PPP1R36: variants seen among roughly 807,000 people sequenced by gnomAD.
PPP1R36 encodes the protein protein phosphatase 1 regulatory subunit 36.
In PPP1R36, 47 loss-of-function variants were observed where a neutral mutation model predicts 53.4. The observed-to-expected ratio is 0.88, with a 90% CI of 0.70 to 1.12. PPP1R36 has a LOEUF of 1.12. PPP1R36 is among the 50% of genes most tolerant of loss of function. The probability of loss-of-function intolerance (pLI) is 0.00; values close to 1 mark genes in which losing one functional copy is unlikely to be tolerated. For missense variants in PPP1R36, 456 were observed against 513.9 expected (o/e 0.89, Z 1.09); for synonymous variants, 153 against 170.5 (o/e 0.90, Z 0.80).
chr14:64,573,076 C>G (rs973893630), intron 7 of PPP1R36, among the ~76,000 whole-genome samples: 1 of 152,126 alleles, frequency 6.6e-6, no homozygotes, highest in Non-Finnish European at 1.5e-5. Flanking sequence ...AGTCATTTGT[C>G]CCTGTTTAGA....
intron 11 of PPP1R36, 126 bp downstream of exon 11, chr14:64,588,421 C>G (rs1404002543): frequency 8.9e-6 from 7 of 782,876 alleles, no homozygotes; most frequent in Non-Finnish European, 1.4e-5. Context: ...CCCCCATTTT[C>G]TTACTTCTGC....
At position 64,588,104 on chromosome 14, in the gene PPP1R36, G is replaced by C. The variant is rs201989939; in HGVS notation, c.891G>C (p.Arg297Ser). ...TAAATGTCACCTTCCTCCCCGACAG[G>C]AGAATGATGGCAAAACGCCCAGCAA... ...EKKRMTFVQF[R>S]RMMAKRPAIK... The change falls in exon 11 of 12, where the codon AGG (arginine) becomes AGC (serine). Residue 297 changes from arginine to serine, a missense_variant and splice_region_variant. By Grantham distance (110) the Arg-to-Ser change is moderately radical. Coordinates refer to ENST00000298705, the MANE Select transcript of PPP1R36 (RefSeq NM_172365.3). The C allele has an allele frequency of 5.6e-6, 9 of 1,596,550 alleles. No individual in the cohort carries two copies. The East Asian group carries it at 2.0e-4, about 36-fold the overall frequency.
At chr14:64,589,051 T>C (rs1031115464) in intron 11 of PPP1R36, 101 bp from the exon 12 acceptor site, 1 of 805,870 alleles carries the variant, frequency 1.2e-6, no homozygotes, top group Non-Finnish European at 2.0e-6. Flanking sequence ...TTAGTGTACA[T>C]ACACACACAC....
intron 8 of PPP1R36, 97 bp from the exon 9 acceptor site, chr14:64,586,740 C>A: frequency 1.3e-6 from 1 of 773,970 alleles, no homozygotes; most frequent in Non-Finnish European, 2.1e-6. Context: ...ATCTTGGGGC[C>A]AAGATAATGA....
chr14:64,577,552 C>T (rs1317799669), intron 8 of PPP1R36, among the ~76,000 whole-genome samples: 1 of 151,968 alleles, frequency 6.6e-6, no homozygotes, highest in African/African-American at 2.4e-5. Context: ...TGAGGTGTGA[C>T]GGCACTCCTT....
chr14:64,582,063 C>T (rs145111794), intron 8 of PPP1R36, among the ~76,000 whole-genome samples: 6 of 152,224 alleles, frequency 3.9e-5, no homozygotes, highest in Non-Finnish European at 7.4e-5. Flanking sequence ...GAGAGGCTAG[C>T]GGTGGGGCTG....
chr14:64,578,783 TTC>T (rs1402760527), intron 8 of PPP1R36, among the ~76,000 whole-genome samples: 4 of 152,246 alleles, frequency 2.6e-5, no homozygotes, highest in Non-Finnish European at 4.4e-5. Context: ...ATGTGAAGCA[TTC>T]TGTCATAAAG....
intron 8 of PPP1R36, among the ~76,000 whole-genome samples, chr14:64,585,727 T>C (rs1034879481): frequency 1.3e-5 from 2 of 152,038 alleles, no homozygotes; most frequent in Non-Finnish European, 2.9e-5. Context: ...TCCAGCTCTG[T>C]CTTAAAAAAG....
intron 7 of PPP1R36, among the ~76,000 whole-genome samples, chr14:64,571,136 G>A (rs533455735): frequency 6.6e-6 from 1 of 151,944 alleles, no homozygotes; most frequent in Non-Finnish European, 1.5e-5. Context: ...TTGTTTGTTT[G>A]TTTGTTTGAA....
chr14:64,585,314 G>A (rs112096920), intron 8 of PPP1R36, among the ~76,000 whole-genome samples: 3,302 of 152,108 alleles, frequency 0.022, 111 homozygotes, highest in African/African-American at 0.076. Flanking sequence ...TCAGGAGTTC[G>A]AGACCAGCCT....
At chr14:64,587,949 G>T (rs1209954721) in intron 10 of PPP1R36, among the ~76,000 whole-genome samples, 155 bp from the exon 11 acceptor site, 1 of 152,006 alleles carries the variant, frequency 6.6e-6, no homozygotes, top group Non-Finnish European at 1.5e-5. Context: ...TTGCTATGTT[G>T]CCCAGGCTGG....
intron 7 of PPP1R36, 89 bp downstream of exon 7, chr14:64,568,536 T>G (rs2080279112): frequency 1.7e-6 from 1 of 573,464 alleles, no homozygotes. Context: ...TGATGGAAAT[T>G]TTTAAATCTT....
intron 7 of PPP1R36, among the ~76,000 whole-genome samples, 173 bp from the exon 8 acceptor site, chr14:64,574,282 G>A (rs982137195): frequency 3.3e-5 from 5 of 152,220 alleles, no homozygotes; most frequent in Admixed American, 2.6e-4. Flanking sequence ...TTGAGCCCTG[G>A]AGGTTGAGGC....
At chr14:64,584,578 G>T (rs2080416202) in intron 8 of PPP1R36, among the ~76,000 whole-genome samples, 1 of 152,174 alleles carries the variant, frequency 6.6e-6, no homozygotes, top group South Asian at 2.1e-4. Context: ...GCTGAGCTCT[G>T]TTGTTCAGTA....
chr14:64,551,050 G>A, intron 2 of PPP1R36, 65 bp downstream of exon 2: 3 of 1,082,642 alleles, frequency 2.8e-6, no homozygotes, highest in Middle Eastern at 2.2e-4. Context: ...GGAAAAAAAA[G>A]CAACAGAAGA....
At position 64,583,076 on chromosome 14, in the gene PPP1R36, T is replaced by TATA. The variant is rs1555352974; in HGVS notation, c.669-3761_669-3760insATA. 2.7e-4 allele frequency among the ~76,000 whole-genome samples: 30 copies of TATA among 110,112 alleles called. No individual in the cohort carries two copies. The East Asian group carries it at 3.2e-3, about 12-fold the overall frequency. 72.2% of individuals were successfully genotyped at this position (110,112 alleles called of 152,430 possible). A position where few individuals can be genotyped will look rare whatever the true frequency, so the allele number is the denominator to read the frequency against. On this transcript the variant is annotated intron_variant, in intron 8 of 11. Transcript: ENST00000298705. ...CCAGCTATATATATATATATATATA[T>TATA]TTTTTTTTTGTATTTTTGTAGAGAT...
chr14:64,550,774 G>T (rs918717274), intron 1 of PPP1R36, 147 bp from the exon 2 acceptor site: 8 of 606,746 alleles, frequency 1.3e-5, no homozygotes, highest in African/African-American at 3.7e-5. Context: ...TGTAAAGAGG[G>T]ACTAGTAGGA....
intron 8 of PPP1R36, 139 bp downstream of exon 8, chr14:64,574,728 C>T: frequency 1.2e-6 from 1 of 855,754 alleles, no homozygotes. Context: ...AGGTGAGAAT[C>T]TGTCCCAAAC....
intron 8 of PPP1R36, among the ~76,000 whole-genome samples, chr14:64,582,295 T>C (rs976517039): frequency 3.3e-5 from 5 of 152,214 alleles, no homozygotes; most frequent in African/African-American, 1.2e-4. Flanking sequence ...TTTTTCTCCC[T>C]AGCCCAGAAC....
Sources: gnomAD v4.1 joint callset for allele counts (sites outside exome capture counted in the v4.1 genomes callset) on GRCh38, gnomAD v4.1.1 for gene constraint, MANE v1.5 for transcripts, NCBI Gene and HGNC (gene_info 2026-07-23, HGNC 2026-07-21) for gene names.